The following CHST8 variants were observed in gnomAD, a reference collection of about 807,000 sequenced individuals.
CHST8 encodes the protein carbohydrate sulfotransferase 8.
Under a neutral mutation model 15.0 loss-of-function variants are expected in CHST8, and 10 were observed. That is an observed-to-expected ratio of 0.67 (90% CI 0.41 to 1.13). The LOEUF (loss-of-function observed/expected upper bound fraction) is 1.13. Ranked by LOEUF, CHST8 falls within the 50% of genes most tolerant of loss-of-function variation. The probability of loss-of-function intolerance (pLI) is 0.00; values close to 1 mark genes in which losing one functional copy is unlikely to be tolerated. For synonymous variants in CHST8, 259 were observed against 256.6 expected, an observed-to-expected ratio of 1.01 and a Z score of -0.09; for missense variants, 634 against 608.2, an observed-to-expected ratio of 1.04 and a Z score of -0.45.
chr19:33,716,587 C>G (rs1414471853), intron 3 of CHST8, among the ~76,000 whole-genome samples: 3 of 152,092 alleles, frequency 2.0e-5, no homozygotes, highest in Non-Finnish European at 2.9e-5. Flanking sequence ...AGGCTGATCT[C>G]GAACTCCTGG....
intron 1 of CHST8, among the ~76,000 whole-genome samples, chr19:33,664,441 C>T (rs1476245095): frequency 0.012 from 1,264 of 102,112 alleles, 24 homozygotes; most frequent in African/African-American, 0.05. Context: ...CCCCCTCCCC[C>T]CTCCCCCCTC....
intron 3 of CHST8, among the ~76,000 whole-genome samples, chr19:33,714,328 A>T (rs1053025394): frequency 6.6e-6 from 1 of 152,202 alleles, no homozygotes; most frequent in Non-Finnish European, 1.5e-5. Flanking sequence ...CCATAAAAAA[A>T]GAATGAAATC....
chr19:33,634,545 C>T (rs1972165773), intron 1 of CHST8, among the ~76,000 whole-genome samples: 1 of 151,922 alleles, frequency 6.6e-6, no homozygotes, highest in Non-Finnish European at 1.5e-5. Context: ...GAACTGGCCA[C>T]CTGCCCCAGA....
chr19:33,756,418 C>T (rs1162425084), intron 3 of CHST8, among the ~76,000 whole-genome samples: 1 of 152,164 alleles, frequency 6.6e-6, no homozygotes, highest in Non-Finnish European at 1.5e-5. Context: ...AAGCTCTGTC[C>T]TGTTTCCAGC....
At chr19:33,697,480 C>A (rs1253749223) in intron 3 of CHST8, among the ~76,000 whole-genome samples, 2 of 152,168 alleles carry the variant, frequency 1.3e-5, no homozygotes, top group Non-Finnish European at 2.9e-5. Context: ...GATCCACCTG[C>A]CTCGTGCTCC....
intron 3 of CHST8, among the ~76,000 whole-genome samples, chr19:33,732,290 C>A (rs75376485): frequency 6.6e-6 from 1 of 152,152 alleles, no homozygotes. Flanking sequence ...AATAAGCCCG[C>A]GTTCTGTTTT....
chr19:33,627,797 G>C (rs998519105), intron 1 of CHST8, among the ~76,000 whole-genome samples: 1 of 152,184 alleles, frequency 6.6e-6, no homozygotes, highest in Admixed American at 6.5e-5. Context: ...TATGGAGCAG[G>C]TATTAGGTGT....
chr19:33,757,468 A>AAG (rs1974592254), intron 3 of CHST8, among the ~76,000 whole-genome samples: 1 of 43,410 alleles, frequency 2.3e-5, no homozygotes, highest in African/African-American at 9.6e-5. Flanking sequence ...GAAAGAAAGA[A>AAG]AGAAAGAAAG....
chr19:33,691,442 G>A (rs1030395901), intron 3 of CHST8, among the ~76,000 whole-genome samples: 16 of 152,318 alleles, frequency 1.1e-4, no homozygotes, highest in African/African-American at 1.9e-4. Context: ...TAATGCTTAC[G>A]TTACTTTCCC....
At chr19:33,756,604 C>T (rs1974552611) in intron 3 of CHST8, among the ~76,000 whole-genome samples, 1 of 152,156 alleles carries the variant, frequency 6.6e-6, no homozygotes, top group Admixed American at 6.5e-5. Context: ...CCCCTCATAC[C>T]CCTGACTCAC....
intron 3 of CHST8, among the ~76,000 whole-genome samples, chr19:33,713,556 C>T (rs924735003): frequency 1.4e-4 from 21 of 152,048 alleles, no homozygotes; most frequent in African/African-American, 5.1e-4. Flanking sequence ...GGCACTGGGG[C>T]TTTTTTTGTT....
At chr19:33,694,417 T>TC in intron 3 of CHST8, among the ~76,000 whole-genome samples, 1 of 150,898 alleles carries the variant, frequency 6.6e-6, no homozygotes, top group East Asian at 2.0e-4. Flanking sequence ...ACAGCAAAGA[T>TC]CCCCCTCAGG....
chr19:33,728,018 G>T (rs1005428050), intron 3 of CHST8, among the ~76,000 whole-genome samples: 1 of 152,260 alleles, frequency 6.6e-6, no homozygotes, highest in Non-Finnish European at 1.5e-5. Context: ...AGCAGAGCCT[G>T]GGGGCTCCAG....
intron 2 of CHST8, among the ~76,000 whole-genome samples, chr19:33,677,749 A>G (rs1192544175): frequency 6.6e-6 from 1 of 152,214 alleles, no homozygotes; most frequent in Non-Finnish European, 1.5e-5. Context: ...ACTCTCCCAC[A>G]GTCCCCTCTG....
At chr19:33,766,487 G>C (rs1974845969) in intron 3 of CHST8, among the ~76,000 whole-genome samples, 1 of 152,200 alleles carries the variant, frequency 6.6e-6, no homozygotes, top group Non-Finnish European at 1.5e-5. Flanking sequence ...ACCAGCTGTG[G>C]GGCTGCCCCA....
In CHST8 at chr19:33,772,679, G is replaced by C. The variant is rs1268157478; in HGVS notation, c.891G>C (p.Arg297=). The change falls in exon 5 of 5, where the codon CGG becomes CGC. Residue 297 remains arginine, a synonymous_variant. Transcript: ENST00000650847. ...CCCGGTACCGCGCCAATGCCTCTCG[G>C]GAGGCCCTGCGGACCGGCTCTGGGG... ...ILARYRANAS[R]EALRTGSGVR... is the part of the protein sequence containing the mutation. 6.2e-7 allele frequency: 1 copy of C among 1,613,774 alleles called. No homozygotes were observed. The highest frequency in any genetic ancestry group is 8.5e-7 in the Non-Finnish European group (1 of 1,180,040).
At chr19:33,653,057 C>T (rs1972469580) in intron 1 of CHST8, among the ~76,000 whole-genome samples, 1 of 152,278 alleles carries the variant, frequency 6.6e-6, no homozygotes, top group Middle Eastern at 3.4e-3. Context: ...TTGATTATTT[C>T]AACTTACAGC....
chr19:33,651,295 C>T (rs1568315280), intron 1 of CHST8, among the ~76,000 whole-genome samples: 1 of 151,904 alleles, frequency 6.6e-6, no homozygotes, highest in South Asian at 2.1e-4. Context: ...TAACAGTGGG[C>T]TTCTCTTGTT....
chr19:33,633,944 G>A (rs542825361), intron 1 of CHST8, among the ~76,000 whole-genome samples: 2 of 152,160 alleles, frequency 1.3e-5, no homozygotes, highest in African/African-American at 4.8e-5. Flanking sequence ...GACCACAGGT[G>A]TGCACCACCA....
Sources: allele counts gnomAD v4.1 joint callset (sites outside exome capture counted in the v4.1 genomes callset), GRCh38; gene constraint gnomAD v4.1.1; transcripts MANE v1.5; gene names NCBI Gene and HGNC (gene_info 2026-07-23, HGNC 2026-07-21).